KLHDC10: variants seen among roughly 807,000 people sequenced by gnomAD.
The protein encoded by KLHDC10 is kelch domain containing 10.
KLHDC10 carries 24 observed loss-of-function variants against 56.1 expected under a neutral mutation model. The observed-to-expected ratio is 0.43, with a 90% confidence interval of 0.31 to 0.60. The LOEUF is 0.60. Ranked by LOEUF, KLHDC10 falls within the 20% of genes least tolerant of loss-of-function variation. The probability of loss-of-function intolerance (pLI) is 0.11; values close to 1 mark genes in which losing one functional copy is unlikely to be tolerated. For synonymous variants in KLHDC10, 188 were observed against 207.1 expected, an observed-to-expected ratio of 0.91 and a Z score of 0.79; for missense variants, 349 against 567.0, an observed-to-expected ratio of 0.62 and a Z score of 3.91.
At chr7:130,121,994 T>A in intron 4 of KLHDC10, 60 bp from the exon 5 acceptor site, 2 of 1,497,084 alleles carry the variant, frequency 1.3e-6, no homozygotes, top group Non-Finnish European at 1.8e-6. Flanking sequence ...ATCTGGTAAG[T>A]TTACATTCTT....
chr7:130,111,778 A>C (rs181713393), intron 2 of KLHDC10, among the ~76,000 whole-genome samples: 229 of 152,280 alleles, frequency 1.5e-3, no homozygotes, highest in Middle Eastern at 6.8e-3. Context: ...TAGATCTAAA[A>C]AGTAGGCAAA....
intron 1 of KLHDC10, among the ~76,000 whole-genome samples, chr7:130,074,889 G>A (rs377432021): frequency 2.6e-5 from 4 of 152,086 alleles, no homozygotes; most frequent in Non-Finnish European, 5.9e-5. Context: ...GATTACAGGC[G>A]TGAGCCACCG....
chr7:130,106,476 G>A (rs1027398836), intron 2 of KLHDC10, among the ~76,000 whole-genome samples: 5 of 151,964 alleles, frequency 3.3e-5, no homozygotes, highest in African/African-American at 1.2e-4. Context: ...AAGATTGCAG[G>A]GACAAATCTA....
chr7:130,115,592 ATAATCCCAGCTACT>A (rs1796155813), intron 2 of KLHDC10, among the ~76,000 whole-genome samples: 1 of 151,508 alleles, frequency 6.6e-6, no homozygotes, highest in African/African-American at 2.4e-5. Flanking sequence ...GCGGGCACCT[ATAATCCCAGCTACT>A]TGGGAGGCTG....
rs71175086 is a variant in KLHDC10 at position 130,108,556 on chromosome 7, C to CAAAAAAAAA, written c.254-7880_254-7872dup. Reference sequence around the variant, plus strand: ...CGAAACGCCGTCTCTACCAAATATCCAAAAAAAAAAAAAAAAAGCTGGGCG... The same window carrying CAAAAAAAAA: ...CGAAACGCCGTCTCTACCAAATATCCAAAAAAAAAAAAAAAAAAAAAAAAAAGCTGGGCG... On this transcript the variant is annotated intron_variant, in intron 2 of 9. Coordinates refer to ENST00000335420, the MANE Select transcript of KLHDC10 (RefSeq NM_014997.4). Among the ~76,000 whole-genome samples the CAAAAAAAAA allele has an allele frequency of 2.3e-5, 2 of 85,670 alleles. 1 individual carries two copies. The highest frequency in any genetic ancestry group is 8.7e-5 in the African/African-American group (2 of 23,052). The allele number at this position is 85,670 out of a possible 152,430, so 56.2% of individuals were successfully genotyped here.
intron 1 of KLHDC10, among the ~76,000 whole-genome samples, chr7:130,076,645 C>T (rs1424110190): frequency 1.3e-5 from 2 of 152,236 alleles, no homozygotes; most frequent in East Asian, 3.9e-4. Context: ...AATAAAGTGT[C>T]GAGGTGGGAA....
At chr7:130,086,393 A>T (rs1433219044) in intron 1 of KLHDC10, among the ~76,000 whole-genome samples, 2 of 152,196 alleles carry the variant, frequency 1.3e-5, no homozygotes. Flanking sequence ...TTTAAAATGG[A>T]AAAACATTAC....
At chr7:130,073,229 A>G (rs1795446513) in intron 1 of KLHDC10, among the ~76,000 whole-genome samples, 7 of 151,730 alleles carry the variant, frequency 4.6e-5, no homozygotes, top group Admixed American at 4.6e-4. Flanking sequence ...AACAACAACA[A>G]CAACAACAAA....
rs184719925 is a variant in KLHDC10 at position 130,089,048 on chromosome 7, C to T, written c.167-7873C>T. Reference sequence around the variant, plus strand: ...TATTTCAAGATAGGCACATTCACATCGATACATATAAAGTACAAATGCAGG... The same window carrying T: ...TATTTCAAGATAGGCACATTCACATTGATACATATAAAGTACAAATGCAGG... On this transcript the variant is annotated intron_variant, in intron 1 of 9. Transcript: ENST00000335420. Among the ~76,000 whole-genome samples the T allele has an allele frequency of 4.1e-4, 62 of 151,970 alleles. 1 individual carries two copies. Among genetic ancestry groups the T allele is most frequent in the Admixed American group, 3.4e-3 (52 of 15,276 alleles).
At position 130,130,190 on chromosome 7, in the gene KLHDC10, C is replaced by T. The variant is rs1002963577; in HGVS notation, c.1120-347C>T. On this transcript the variant is annotated intron_variant, in intron 9 of 9. Coordinates refer to ENST00000335420, the MANE Select transcript of KLHDC10 (RefSeq NM_014997.4). The surrounding 1 kb of genome is among the most constrained non-coding windows in gnomAD (Gnocchi z 4.2). ...AAAAAATTAGCCGGACGTGGTGGCG[C>T]GTGCCTGTATTCCCAGCTACTCTGG... 6.6e-6 allele frequency among the ~76,000 whole-genome samples: 1 copy of T among 151,688 alleles called. No individual in the cohort carries two copies. The highest frequency in any genetic ancestry group is 1.5e-5 in the Non-Finnish European group (1 of 67,938).
chr7:130,112,472 C>T (rs7781447), intron 2 of KLHDC10, among the ~76,000 whole-genome samples: 48,945 of 151,964 alleles, frequency 0.32, 8,698 homozygotes, highest in East Asian at 0.43. Context: ...ATCAGGTAAA[C>T]GAATTCTATG....
Position 130,122,211 on chromosome 7 carries a change from C to A in KLHDC10, c.779+9C>A, listed in dbSNP as rs1487423873. On this transcript the variant is annotated intron_variant, in intron 5 of 9. Transcript: ENST00000335420. ...GATCTACCAGAAGAGAGGTGAGGTT[C>A]TAGGATTCAAGCATATTTATTCTTT... 3 of 1,611,928 alleles carry A rather than the reference C, an allele frequency of 1.9e-6. No individual in the cohort carries two copies. The East Asian group carries it at 6.7e-5, about 36-fold the overall frequency.
chr7:130,118,190 A>T (rs1453166616), intron 3 of KLHDC10, among the ~76,000 whole-genome samples: 2 of 152,120 alleles, frequency 1.3e-5, no homozygotes, highest in South Asian at 2.1e-4. Context: ...AAATAAAAAT[A>T]AAAAAAATTA....
chr7:130,128,501 T>C (rs1563107499), intron 8 of KLHDC10, among the ~76,000 whole-genome samples: 1 of 152,158 alleles, frequency 6.6e-6, no homozygotes, highest in Non-Finnish European at 1.5e-5. Flanking sequence ...TCCTAATAAC[T>C]GTACAGATCA....
chr7:130,075,791 T>C (rs1306426758), intron 1 of KLHDC10, among the ~76,000 whole-genome samples: 1 of 152,228 alleles, frequency 6.6e-6, no homozygotes, highest in Non-Finnish European at 1.5e-5. Context: ...GCTGTCTTCC[T>C]TGTTCTTTTG....
intron 2 of KLHDC10, among the ~76,000 whole-genome samples, chr7:130,107,619 G>T (rs1796027163): frequency 6.6e-6 from 1 of 151,972 alleles, no homozygotes; most frequent in Non-Finnish European, 1.5e-5. Flanking sequence ...CGAGGTGGGC[G>T]GTTCACGTGG....
intron 8 of KLHDC10, among the ~76,000 whole-genome samples, chr7:130,128,919 T>TATATATATATATATATATACAC (rs1292651924): frequency 4.8e-4 from 55 of 115,664 alleles, no homozygotes; most frequent in African/African-American, 1.7e-3. Flanking sequence ...TATATATATA[T>TATATATATATATATATATACAC]ACATACTAGC....
At chr7:130,080,203 A>G (rs1015493378) in intron 1 of KLHDC10, among the ~76,000 whole-genome samples, 15 of 151,806 alleles carry the variant, frequency 9.9e-5, no homozygotes. Context: ...CAGCCTCCCA[A>G]AGTACTAGGA....
chr7:130,078,631 G>C (rs1045120948), intron 1 of KLHDC10, among the ~76,000 whole-genome samples: 3 of 151,704 alleles, frequency 2.0e-5, no homozygotes, highest in Non-Finnish European at 4.4e-5. Flanking sequence ...CCATTCTCCT[G>C]CCTCAGCCTC....
Sources: allele counts gnomAD v4.1 joint callset (sites outside exome capture counted in the v4.1 genomes callset), GRCh38; gene constraint gnomAD v4.1.1; non-coding constraint Gnocchi (gnomAD v3.1); transcripts MANE v1.5; gene names NCBI Gene and HGNC (gene_info 2026-07-23, HGNC 2026-07-21).